PBX3: variants seen among roughly 807,000 people sequenced by gnomAD.
PBX3 encodes pre-B-cell leukemia transcription factor 3.
In PBX3, 14 loss-of-function variants were observed where a neutral mutation model predicts 48.5. The observed-to-expected ratio is 0.29, with a 90% confidence interval of 0.19 to 0.45. PBX3 has a LOEUF of 0.45. Ranked by LOEUF, PBX3 falls within the 20% of genes least tolerant of loss-of-function variation. The pLI is 1.00. For synonymous variants in PBX3, 210 were observed against 200.3 expected, an observed-to-expected ratio of 1.05 and a Z score of -0.41; for missense variants, 386 against 546.7, an observed-to-expected ratio of 0.71 and a Z score of 2.93.
chr9:125,832,930 G>T (rs1331851272), intron 2 of PBX3, among the ~76,000 whole-genome samples: 1 of 152,112 alleles, frequency 6.6e-6, no homozygotes, highest in Non-Finnish European at 1.5e-5. Flanking sequence ...GTCATCTGTG[G>T]TTTATTATTT....
intron 2 of PBX3, among the ~76,000 whole-genome samples, chr9:125,877,645 T>C (rs1040143199): frequency 1.5e-4 from 23 of 152,204 alleles, no homozygotes; most frequent in African/African-American, 5.1e-4. Context: ...TTTATTCTCA[T>C]CTTACTTCCA....
chr9:125,907,141 CAA>C (rs1341219174), intron 2 of PBX3, among the ~76,000 whole-genome samples: 1 of 151,820 alleles, frequency 6.6e-6, no homozygotes, highest in African/African-American at 2.4e-5. Flanking sequence ...AAAAGTAACA[CAA>C]AAGAGCAAAA....
intron 2 of PBX3, among the ~76,000 whole-genome samples, chr9:125,774,932 CGCAACCTTACT>C (rs1350438085): frequency 6.6e-6 from 1 of 151,510 alleles, no homozygotes; most frequent in African/African-American, 2.4e-5. Context: ...AGTATAGTGG[CGCAACCTTACT>C]GCAACCTCTG....
chr9:125,928,554 C>T (rs577008440), intron 3 of PBX3, among the ~76,000 whole-genome samples: 7 of 151,696 alleles, frequency 4.6e-5, no homozygotes, highest in South Asian at 2.1e-4. Flanking sequence ...CAAGCTCCAT[C>T]GCCTGGGTTC....
intron 3 of PBX3, among the ~76,000 whole-genome samples, chr9:125,929,207 C>A (rs913106092): frequency 6.6e-6 from 1 of 152,210 alleles, no homozygotes; most frequent in South Asian, 2.1e-4. Context: ...AAAGGCCAGG[C>A]CTGCATCTTG....
chr9:125,894,225 G>A (rs1840717259), intron 2 of PBX3, among the ~76,000 whole-genome samples: 1 of 152,088 alleles, frequency 6.6e-6, no homozygotes, highest in Non-Finnish European at 1.5e-5. Flanking sequence ...AGCCATAGAA[G>A]GTGGGACAAC....
intron 2 of PBX3, among the ~76,000 whole-genome samples, chr9:125,829,057 G>GA (rs1309892631): frequency 6.6e-6 from 1 of 152,148 alleles, no homozygotes; most frequent in Non-Finnish European, 1.5e-5. Flanking sequence ...CAGGTTGTTT[G>GA]AAAAAACTCC....
chr9:125,845,217 T>C (rs1010597562), intron 2 of PBX3, among the ~76,000 whole-genome samples: 3 of 152,104 alleles, frequency 2.0e-5, no homozygotes, highest in African/African-American at 7.2e-5. Context: ...TACTATGCAG[T>C]GTGGATGCAA....
chr9:125,880,090 G>A (rs1296239143), intron 2 of PBX3, among the ~76,000 whole-genome samples: 1 of 152,276 alleles, frequency 6.6e-6, no homozygotes, highest in East Asian at 1.9e-4. Context: ...TGTTGCCCAG[G>A]CGGGAGTACA....
chr9:125,757,143 A>AT (rs1340669904), intron 2 of PBX3, among the ~76,000 whole-genome samples: 12 of 152,268 alleles, frequency 7.9e-5, no homozygotes, highest in Admixed American at 5.2e-4. Context: ...TGCATTAAAA[A>AT]ATATATATAT....
chr9:125,755,220 A>C (rs1221776174), intron 2 of PBX3, among the ~76,000 whole-genome samples: 1 of 151,930 alleles, frequency 6.6e-6, no homozygotes, highest in Non-Finnish European at 1.5e-5. Flanking sequence ...TTTTATTTCA[A>C]ATTCAAATTA....
intron 2 of PBX3, among the ~76,000 whole-genome samples, chr9:125,793,005 A>T (rs1837656870): frequency 6.6e-6 from 1 of 151,906 alleles, no homozygotes; most frequent in Non-Finnish European, 1.5e-5. Context: ...GCCGAGGTAT[A>T]CTTAATTTAT....
chr9:125,758,798 G>A (rs941726248), intron 2 of PBX3, among the ~76,000 whole-genome samples: 17 of 152,020 alleles, frequency 1.1e-4, no homozygotes, highest in Non-Finnish European at 1.5e-5. Flanking sequence ...AGCAATGTCT[G>A]CGTGCTGGGT....
intron 2 of PBX3, among the ~76,000 whole-genome samples, chr9:125,766,921 G>C: frequency 9.3e-6 from 1 of 107,522 alleles, no homozygotes; most frequent in Non-Finnish European, 2.3e-5. Flanking sequence ...TAGCATGATT[G>C]GGAACAGAAT....
At chr9:125,800,103 G>C (rs956189476) in intron 2 of PBX3, among the ~76,000 whole-genome samples, 1 of 152,156 alleles carries the variant, frequency 6.6e-6, no homozygotes, top group African/African-American at 2.4e-5. Flanking sequence ...TAGACCATCA[G>C]ATCTTAACAA....
At chr9:125,762,437 CACTTAATTAGAACTG>C (rs1836694929) in intron 2 of PBX3, among the ~76,000 whole-genome samples, 1 of 151,886 alleles carries the variant, frequency 6.6e-6, no homozygotes, top group South Asian at 2.1e-4. Context: ...AGTTAGTATT[CACTTAATTAGAACTG>C]ACTGTTTAAT....
At chr9:125,868,398 A>G (rs1840040280) in intron 2 of PBX3, among the ~76,000 whole-genome samples, 1 of 151,938 alleles carries the variant, frequency 6.6e-6, no homozygotes, top group African/African-American at 2.4e-5. Flanking sequence ...GTGCAGAAAA[A>G]CCTCACCTGG....
At chr9:125,960,039 A>G (rs1842393877) in intron 5 of PBX3, among the ~76,000 whole-genome samples, 1 of 152,236 alleles carries the variant, frequency 6.6e-6, no homozygotes, top group Non-Finnish European at 1.5e-5. Context: ...AAAGAAATAT[A>G]TTCCACCTGA....
At chr9:125,780,768 G>A (rs1328219766) in intron 2 of PBX3, among the ~76,000 whole-genome samples, 1 of 142,616 alleles carries the variant, frequency 7.0e-6, no homozygotes, top group African/African-American at 2.6e-5. Flanking sequence ...CTGGCCGGGC[G>A]GGGGGCTGAC....
Sources: gnomAD v4.1 joint callset for allele counts (sites outside exome capture counted in the v4.1 genomes callset) on GRCh38, gnomAD v4.1.1 for gene constraint, MANE v1.5 for transcripts, NCBI Gene and HGNC (gene_info 2026-07-23, HGNC 2026-07-21) for gene names.